Variants in MVB12B observed in about 807,000 individuals in gnomAD.
The protein encoded by MVB12B is multivesicular body subunit 12B.
In MVB12B, 16 loss-of-function variants were observed where a neutral mutation model predicts 41.6. The observed-to-expected ratio is 0.38, with a 90% CI of 0.26 to 0.58. The LOEUF (loss-of-function observed/expected upper bound fraction) is 0.58. Among genes scored for constraint, MVB12B ranks in the 20% least tolerant of loss-of-function variants. The pLI is 0.62. For missense variants in MVB12B, 274 were observed against 380.2 expected, an observed-to-expected ratio of 0.72 and a Z score of 2.32; for synonymous variants, 133 against 139.7, an observed-to-expected ratio of 0.95 and a Z score of 0.34.
chr9:126,425,463 T>G (rs1462517561), intron 7 of MVB12B, among the ~76,000 whole-genome samples: 1 of 152,146 alleles, frequency 6.6e-6, no homozygotes, highest in Non-Finnish European at 1.5e-5. Context: ...ACACCTGATG[T>G]GAGTGTGGCA....
At chr9:126,408,197 C>T (rs528849178) in intron 6 of MVB12B, 4 of 152,224 alleles carry the variant, frequency 2.6e-5, no homozygotes, top group African/African-American at 4.8e-5. Context: ...ATGATTTTGC[C>T]GTCGCCATGG....
At chr9:126,406,952 G>A (rs1018810951) in intron 6 of MVB12B, among the ~76,000 whole-genome samples, 5 of 152,022 alleles carry the variant, frequency 3.3e-5, no homozygotes, top group Non-Finnish European at 4.4e-5. Context: ...ATTTTTCTGC[G>A]GAAGCATTTT....
intron 6 of MVB12B, among the ~76,000 whole-genome samples, chr9:126,410,819 C>T (rs1225916718): frequency 6.6e-6 from 1 of 152,090 alleles, no homozygotes; most frequent in African/African-American, 2.4e-5. Flanking sequence ...CCCTGGATAC[C>T]TCCCAGGGCC....
chr9:126,355,783 A>G (rs1015072812), intron 2 of MVB12B, among the ~76,000 whole-genome samples: 9 of 152,242 alleles, frequency 5.9e-5, no homozygotes, highest in Non-Finnish European at 1.3e-4. Flanking sequence ...TGATTTTCTA[A>G]AAACTGAGGT....
intron 9 of MVB12B, among the ~76,000 whole-genome samples, chr9:126,489,440 G>A (rs1229498048): frequency 2.6e-5 from 4 of 152,242 alleles, no homozygotes; most frequent in African/African-American, 4.8e-5. Flanking sequence ...CCCAAGAGTC[G>A]TGGTACCTGA....
rs1474884521 is a variant in MVB12B at position 126,326,979 on chromosome 9, A to G, written c.50A>G (p.Gln17Arg). 4.1e-6 allele frequency: 1 copy of G among 246,496 alleles called. No homozygotes were observed. Among genetic ancestry groups the G allele is most frequent in the Non-Finnish European group, 8.1e-6 (1 of 123,428 alleles). The allele number at this position is 246,496 out of a possible 1,614,324, so 15.3% of individuals were successfully genotyped here. Residue 17 changes from glutamine to arginine, a missense_variant, in exon 1 of 10, where the codon CAG becomes CGG. By Grantham distance (43) the Gln-to-Arg change is conservative. Transcript: ENST00000361171. ...CGGAGCCGGGACCCGCCGCCGCCGC[A>G]GCCACCGCCGCCGCCGCCCCAGCGG... Reference protein sequence around the residue: ...VRRSRDPPPPQPPPPPPQRGT... With the variant: ...VRRSRDPPPPRPPPPPPQRGT...
chr9:126,356,255 G>A (rs1480939713), intron 2 of MVB12B, among the ~76,000 whole-genome samples: 2 of 152,150 alleles, frequency 1.3e-5, no homozygotes, highest in Admixed American at 6.5e-5. Flanking sequence ...CAATTGCAGT[G>A]GGTAATAAGT....
rs1244044886 is a variant in MVB12B at position 126,503,203 on chromosome 9, G to C, written c.900G>C (p.Gln300His). ...KEYEYSFRTE[Q>H]SAAARLPPSP... ...ACGAGTACAGCTTCCGCACAGAGCA[G>C]AGCGCAGCCGCCAGGCTCCCGCCCA... The change falls in exon 10 of 10, where the codon CAG becomes CAC. Residue 300 changes from glutamine (Q) to histidine (H), a missense_variant. Coordinates refer to ENST00000361171, the MANE Select transcript of MVB12B (RefSeq NM_033446.3). 6.4e-7 allele frequency: 1 copy of C among 1,550,836 alleles called. No homozygotes were observed. The highest frequency in any genetic ancestry group is 1.2e-5 in the South Asian group (1 of 84,096).
chr9:126,434,652 C>T (rs62569345), intron 7 of MVB12B, among the ~76,000 whole-genome samples: 269 of 152,324 alleles, frequency 1.8e-3, no homozygotes, highest in Middle Eastern at 6.8e-3. Context: ...ACGCCAGTTT[C>T]ACTCCTGTGA....
chr9:126,482,732 G>A (rs1489209687), intron 8 of MVB12B, among the ~76,000 whole-genome samples: 2 of 152,222 alleles, frequency 1.3e-5, no homozygotes, highest in Non-Finnish European at 2.9e-5. Context: ...CAGAGCAGCC[G>A]CGAGCGGAAC....
At chr9:126,435,629 A>C (rs1284818587) in intron 7 of MVB12B, among the ~76,000 whole-genome samples, 100 of 123,792 alleles carry the variant, frequency 8.1e-4, no homozygotes, top group Admixed American at 1.6e-3. Flanking sequence ...CTTTCCAACC[A>C]CTCCCCTCCC....
chr9:126,391,902 C>T lies in MVB12B; in HGVS notation c.410-164C>T, dbSNP rs75442544. Among the ~76,000 whole-genome samples, 272 of 152,246 alleles carry T rather than the reference C, an allele frequency of 1.8e-3. 5 individuals carry two copies. The East Asian group carries it at 0.03, about 17-fold the overall frequency. On this transcript the variant is annotated intron_variant, in intron 4 of 9. Transcript: ENST00000361171. This position sits in a 1 kb window ranked among gnomAD's most constrained non-coding sequence, Gnocchi z 4.4. ...CACATGCAGAGCAGGGTGACTGCAGCCCCGGGGAAGGCAGGCGGCAGAGCG... is the reference window on the plus strand; with the variant it reads ...CACATGCAGAGCAGGGTGACTGCAGTCCCGGGGAAGGCAGGCGGCAGAGCG...
intron 7 of MVB12B, among the ~76,000 whole-genome samples, chr9:126,448,987 C>T (rs748754560): frequency 2.6e-5 from 4 of 152,180 alleles, no homozygotes; most frequent in Non-Finnish European, 4.4e-5. Context: ...CACACCAGAG[C>T]GCTAGGCAGC....
intron 7 of MVB12B, among the ~76,000 whole-genome samples, chr9:126,466,209 G>A (rs1241359705): frequency 6.6e-6 from 1 of 152,214 alleles, no homozygotes; most frequent in African/African-American, 2.4e-5. Flanking sequence ...TCCCTTGTCT[G>A]TAGTTGGCAG....
chr9:126,430,837 T>C (rs1222028892), intron 7 of MVB12B, among the ~76,000 whole-genome samples: 1 of 152,236 alleles, frequency 6.6e-6, no homozygotes, highest in Non-Finnish European at 1.5e-5. Context: ...TAGCATCCTC[T>C]AGAACTGTAC....
At chr9:126,334,157 A>G (rs1018964278) in intron 1 of MVB12B, among the ~76,000 whole-genome samples, 4 of 152,176 alleles carry the variant, frequency 2.6e-5, no homozygotes, top group African/African-American at 9.6e-5. Context: ...TGCTTAGCCC[A>G]AGTGGCTCCG....
intron 7 of MVB12B, among the ~76,000 whole-genome samples, chr9:126,427,949 T>C (rs988081378): frequency 2.3e-5 from 1 of 42,756 alleles, no homozygotes; most frequent in Non-Finnish European, 5.4e-5. Flanking sequence ...TGCCTTCAGC[T>C]TTTTTTCTTT....
chr9:126,401,251 A>G (rs1831260769), intron 6 of MVB12B, among the ~76,000 whole-genome samples: 1 of 152,200 alleles, frequency 6.6e-6, no homozygotes, highest in Admixed American at 6.5e-5. Context: ...TGCAGCTCCC[A>G]GGAGCCTCTT....
At position 126,436,457 on chromosome 9, in the gene MVB12B, C is replaced by T. The variant is rs1832481698; in HGVS notation, c.757+14509C>T. Among the ~76,000 whole-genome samples the T allele has an allele frequency of 6.6e-6, 1 of 152,180 alleles. No individual in the cohort carries two copies. The highest frequency in any genetic ancestry group is 1.5e-5 in the Non-Finnish European group (1 of 68,028). On this transcript the variant is annotated intron_variant, in intron 7 of 9. Transcript: ENST00000361171. This position sits in a 1 kb window ranked among gnomAD's most constrained non-coding sequence, Gnocchi z 4.1. ...AGTTTCAAAGTCAATTACTGCTTGTCCTATTATAATTTACACACACAGGAT... is the reference window on the plus strand; with the variant it reads ...AGTTTCAAAGTCAATTACTGCTTGTTCTATTATAATTTACACACACAGGAT...
Sources: gnomAD v4.1 joint callset for allele counts (sites outside exome capture counted in the v4.1 genomes callset) on GRCh38, gnomAD v4.1.1 for gene constraint, Gnocchi (gnomAD v3.1) non-coding constraint, MANE v1.5 for transcripts, NCBI Gene and HGNC (gene_info 2026-07-23, HGNC 2026-07-21) for gene names.